The following RIMKLA variants were observed in gnomAD, a reference collection of about 807,000 sequenced individuals.
RIMKLA encodes ribosomal modification protein rimK like family member A.
A neutral mutation model predicts 32.7 loss-of-function variants in RIMKLA; 14 were observed. That is an observed-to-expected ratio of 0.43 (90% confidence interval 0.28 to 0.67). RIMKLA has a LOEUF of 0.67. Among genes scored for constraint, RIMKLA ranks in the 30% least tolerant of loss-of-function variants. The pLI is 0.18. For missense variants in RIMKLA, 410 were observed against 519.0 expected (o/e 0.79, Z 2.04); for synonymous variants, 176 against 204.1 (o/e 0.86, Z 1.18).
chr1:42,410,301 A>G, intron 4 of RIMKLA, 114 bp downstream of exon 4: 1 of 833,670 alleles, frequency 1.2e-6, no homozygotes, highest in Non-Finnish European at 1.9e-6. Flanking sequence ...CTCACAGATG[A>G]GAATGAGGAA....
rs1643236694 is a variant in RIMKLA at position 42,415,259 on chromosome 1, C to G, written c.*285C>G. 1 of 323,256 alleles carries G rather than the reference C, an allele frequency of 3.1e-6. No homozygotes were observed. Among genetic ancestry groups the G allele is most frequent in the Non-Finnish European group, 5.7e-6 (1 of 176,442 alleles). The allele number at this position is 323,256 out of a possible 1,614,324, so 20.0% of individuals were successfully genotyped here. A position where few individuals can be genotyped will look rare whatever the true frequency, so the allele number is the denominator to read the frequency against. On this transcript the variant is annotated 3_prime_UTR_variant, in exon 5 of 5. Transcript: ENST00000431473. ...GGCTGACGCTAAGGCACTGACTCTGCTGTTGCTTCTGACTTTTAGCAGTAG... is the reference window on the plus strand; with the variant it reads ...GGCTGACGCTAAGGCACTGACTCTGGTGTTGCTTCTGACTTTTAGCAGTAG...
chr1:42,399,396 A>G lies in RIMKLA; in HGVS notation c.164-8A>G. 1 of 1,594,710 alleles carries G rather than the reference A, an allele frequency of 6.3e-7. No homozygotes were observed. Among genetic ancestry groups the G allele is most frequent in the Non-Finnish European group, 8.6e-7 (1 of 1,168,190 alleles). ...GGCACAGCACTCACTGTTGTCCTTG[A>G]ATTGCAGGCCTCCAGCTAAACCAGA... is the stretch of plus-strand genomic sequence containing the variant. On this transcript the variant is annotated splice_polypyrimidine_tract_variant and splice_region_variant and intron_variant, in intron 1 of 4. Coordinates refer to ENST00000431473, the MANE Select transcript of RIMKLA (RefSeq NM_173642.4).
intron 1 of RIMKLA, among the ~76,000 whole-genome samples, chr1:42,385,174 T>C (rs1311652256): frequency 1.3e-5 from 2 of 152,344 alleles, no homozygotes; most frequent in East Asian, 1.9e-4. Flanking sequence ...TTAATGTTTA[T>C]TGGATGACTG....
In RIMKLA at chr1:42,424,175, C is replaced by A. The variant is rs12138050; in HGVS notation, c.*9201C>A. Reference sequence around the variant, plus strand: ...TTTGGTGATTGTTCTAATAAGAATACGTAAGAATGTGTCCTTGTTTTTAGA... The same window carrying A: ...TTTGGTGATTGTTCTAATAAGAATAAGTAAGAATGTGTCCTTGTTTTTAGA... On this transcript the variant is annotated 3_prime_UTR_variant, in exon 5 of 5. Coordinates refer to ENST00000431473, the MANE Select transcript of RIMKLA (RefSeq NM_173642.4). 0.25 allele frequency among the ~76,000 whole-genome samples: 37,458 copies of A among 152,060 alleles called. 5,274 individuals carry two copies. Among genetic ancestry groups the A allele is most frequent in the Non-Finnish European group, 0.31 (21,122 of 68,006 alleles).
In RIMKLA at chr1:42,423,406, A is replaced by G. The variant is rs549853935; in HGVS notation, c.*8432A>G. Among the ~76,000 whole-genome samples, 46 of 152,360 alleles carry G rather than the reference A, an allele frequency of 3.0e-4. No homozygotes were observed. Among genetic ancestry groups the G allele is most frequent in the Admixed American group, 1.2e-3 (18 of 15,300 alleles). On this transcript the variant is annotated 3_prime_UTR_variant, in exon 5 of 5. Transcript: ENST00000431473. ...CTTTACCACATATAAAAAGATTAGCAGTAATCCCTTGATACCATCTAATTC... is the reference window on the plus strand; with the variant it reads ...CTTTACCACATATAAAAAGATTAGCGGTAATCCCTTGATACCATCTAATTC...
intron 3 of RIMKLA, 106 bp downstream of exon 3, chr1:42,404,703 C>G: frequency 4.3e-6 from 3 of 691,190 alleles, no homozygotes; most frequent in Non-Finnish European, 5.1e-6. Context: ...TGGAGCTCCC[C>G]TTTGAGGAGC....
chr1:42,386,880 C>CAAAT (rs151298858), intron 1 of RIMKLA, among the ~76,000 whole-genome samples: 83,451 of 120,714 alleles, frequency 0.69, 29,613 homozygotes, highest in Middle Eastern at 0.78. Flanking sequence ...GACTCCATCT[C>CAAAT]AAATAAATAA....
At position 42,414,669 on chromosome 1, in the gene RIMKLA, G is replaced by A; in HGVS notation, c.871G>A (p.Val291Met). The change falls in exon 5 of 5, where the codon GTG (valine) becomes ATG (methionine). Residue 291 changes from valine to methionine, a missense_variant. Transcript: ENST00000431473. Reference protein sequence around the residue: ...LAFDQACNLDVGGIIADYTMS... With the variant: ...LAFDQACNLDMGGIIADYTMS... ...CTTTGACCAGGCATGCAACTTAGAT[G>A]TGGGTGGGATCATTGCAGACTATAC... 3 of 1,614,226 alleles carry A rather than the reference G, an allele frequency of 1.9e-6. No individual in the cohort carries two copies. Among genetic ancestry groups the A allele is most frequent in the Non-Finnish European group, 2.5e-6 (3 of 1,180,026 alleles).
At chr1:42,399,768 C>G in intron 2 of RIMKLA, 134 bp downstream of exon 2, 1 of 632,742 alleles carries the variant, frequency 1.6e-6, no homozygotes, top group Non-Finnish European at 2.7e-6. Context: ...AATCTTTATC[C>G]TGGCCTTTCT....
intron 3 of RIMKLA, among the ~76,000 whole-genome samples, chr1:42,407,745 AC>A (rs1643159872): frequency 6.6e-6 from 1 of 152,024 alleles, no homozygotes; most frequent in African/African-American, 2.4e-5. Context: ...TTGAGATTGG[AC>A]CCTTTTTCCC....
In RIMKLA at chr1:42,381,039, G is replaced by A; in HGVS notation, c.105G>A (p.Val35=). 7.5e-7 allele frequency: 1 copy of A among 1,340,066 alleles called. No individual in the cohort carries two copies. The highest frequency in any genetic ancestry group is 9.6e-7 in the Non-Finnish European group (1 of 1,043,606). 83.0% of individuals were successfully genotyped at this position (1,340,066 alleles called of 1,614,324 possible). ...GGCAGCGCTGCTCCGAGCAGGACGT[G>A]CGCTTCCGGGCGGTGCTTATGGACC... ...ALRQRCSEQD[V]RFRAVLMDQI... Residue 35 remains valine, a synonymous_variant, in exon 1 of 5, where the codon GTG becomes GTA. Transcript: ENST00000431473.
Position 42,414,573 on chromosome 1 carries a change from A to G in RIMKLA, c.775A>G (p.Ile259Val). 6.2e-7 allele frequency: 1 copy of G among 1,614,230 alleles called. No individual in the cohort carries two copies. Among genetic ancestry groups the G allele is most frequent in the Non-Finnish European group, 8.5e-7 (1 of 1,180,042 alleles). ...CATCCTAGGCATGGACTTCTGTGGC[A>G]TTGATCTCCTTATCATGGACGATGG... ...SNILGMDFCG[I>V]DLLIMDDGSF... The change falls in exon 5 of 5, where the codon ATT becomes GTT. Residue 259 changes from isoleucine (I) to valine (V), a missense_variant. Physicochemically the swap from Ile to Val is conservative, Grantham distance 29. Coordinates refer to ENST00000431473, the MANE Select transcript of RIMKLA (RefSeq NM_173642.4).
chr1:42,400,253 G>A (rs560620449), intron 2 of RIMKLA, among the ~76,000 whole-genome samples: 5 of 152,194 alleles, frequency 3.3e-5, no homozygotes, highest in Admixed American at 2.6e-4. Flanking sequence ...AAATAAGAGG[G>A]CACTATATAC....
At chr1:42,413,501 C>CA (rs201462707) in intron 4 of RIMKLA, among the ~76,000 whole-genome samples, 1,655 of 124,896 alleles carry the variant, frequency 0.013, 32 homozygotes, top group African/African-American at 0.041. Flanking sequence ...AAGAGTCTCT[C>CA]AAAAAAAAAA....
chr1:42,406,330 C>T (rs1316993120), intron 3 of RIMKLA, among the ~76,000 whole-genome samples: 2 of 152,186 alleles, frequency 1.3e-5, no homozygotes, highest in Non-Finnish European at 2.9e-5. Flanking sequence ...AGAACATTTC[C>T]ATCACCCCCA....
chr1:42,392,297 A>G (rs1643006003), intron 1 of RIMKLA, among the ~76,000 whole-genome samples: 1 of 152,100 alleles, frequency 6.6e-6, no homozygotes, highest in South Asian at 2.1e-4. Context: ...ACATTGTGTT[A>G]CAGTCAGTCT....
chr1:42,414,836 T>C lies in RIMKLA; in HGVS notation c.1038T>C (p.Ser346=). ...AESVYTINSG[S]TSSESEPELG... is the part of the protein sequence containing the mutation. ...GCGTCTATACCATCAACAGTGGGTC[T>C]ACCTCTAGTGAAAGTGAGCCTGAAC... Residue 346 remains serine, a synonymous_variant, in exon 5 of 5, where the codon TCT becomes TCC. Transcript: ENST00000431473. The C allele has an allele frequency of 6.2e-7, 1 of 1,614,216 alleles. No individual in the cohort carries two copies. Among genetic ancestry groups the C allele is most frequent in the South Asian group, 1.1e-5 (1 of 91,086 alleles).
At chr1:42,384,591 ATATG>A (rs1233205358) in intron 1 of RIMKLA, among the ~76,000 whole-genome samples, 3 of 137,034 alleles carry the variant, frequency 2.2e-5, no homozygotes, top group African/African-American at 5.5e-5. Context: ...ATGTGTGTAT[ATATG>A]TATATATGTA....
chr1:42,397,686 C>T (rs1461043549), intron 1 of RIMKLA, among the ~76,000 whole-genome samples: 5 of 152,026 alleles, frequency 3.3e-5, no homozygotes, highest in Non-Finnish European at 5.9e-5. Context: ...GATCACACCA[C>T]TGTACTCCAT....
Sources: gnomAD v4.1 joint callset for allele counts (sites outside exome capture counted in the v4.1 genomes callset) on GRCh38, gnomAD v4.1.1 for gene constraint, MANE v1.5 for transcripts, NCBI Gene and HGNC (gene_info 2026-07-23, HGNC 2026-07-21) for gene names.